The following FAM135A variants were observed in gnomAD, a reference collection of about 807,000 sequenced individuals.
FAM135A encodes the protein protein FAM135A.
In FAM135A, 79 loss-of-function variants were observed where a neutral mutation model predicts 146.8. That is an observed-to-expected ratio of 0.54 (90% CI 0.45 to 0.65). The LOEUF (loss-of-function observed/expected upper bound fraction) is 0.65, where lower values mean the gene tolerates loss of function less well. Ranked by LOEUF, FAM135A falls within the 30% of genes least tolerant of loss-of-function variation. The pLI, the probability that FAM135A is intolerant of heterozygous loss-of-function variation, is 0.00. For missense variants in FAM135A, 1,623 were observed against 1,758.2 expected, an observed-to-expected ratio of 0.92 and a Z score of 1.38; for synonymous variants, 562 against 603.6, an observed-to-expected ratio of 0.93 and a Z score of 1.01.
intron 16 of FAM135A, among the ~76,000 whole-genome samples, chr6:70,529,951 C>T (rs1795478760): frequency 6.6e-6 from 1 of 152,104 alleles, no homozygotes; most frequent in African/African-American, 2.4e-5. Context: ...GTAGTCCCAG[C>T]TACTCCGGAG....
intron 13 of FAM135A, among the ~76,000 whole-genome samples, chr6:70,522,825 G>A (rs899969714): frequency 6.6e-6 from 1 of 151,956 alleles, no homozygotes; most frequent in African/African-American, 2.4e-5. Flanking sequence ...TTTTTTATCA[G>A]ATCTACCATA....
At chr6:70,526,766 TACAC>T (rs71538422) in intron 15 of FAM135A, 68 bp downstream of exon 15, 12,282 of 446,236 alleles carry the variant, frequency 0.028, 61 homozygotes, top group African/African-American at 0.045. Flanking sequence ...CACACACACA[TACAC>T]ACACACACAC....
intron 11 of FAM135A, among the ~76,000 whole-genome samples, chr6:70,500,188 C>G (rs965012559): frequency 6.6e-6 from 1 of 152,070 alleles, no homozygotes; most frequent in Admixed American, 6.6e-5. Flanking sequence ...TTTTTCAATT[C>G]TTTTTTGTCT....
At chr6:70,420,321 A>G (rs1395026725) in intron 2 of FAM135A, among the ~76,000 whole-genome samples, 1 of 152,088 alleles carries the variant, frequency 6.6e-6, no homozygotes, top group African/African-American at 2.4e-5. Context: ...ATCTTGAGGG[A>G]CCTGTGTCTC....
intron 4 of FAM135A, among the ~76,000 whole-genome samples, chr6:70,448,475 G>A (rs960645854): frequency 3.9e-5 from 6 of 152,142 alleles, no homozygotes; most frequent in African/African-American, 1.4e-4. Context: ...GTGTCCTCCA[G>A]CTTAGTTCCA....
At position 70,458,357 on chromosome 6, in the gene FAM135A, A is replaced by T. The variant is rs369458774; in HGVS notation, c.157+5786A>T. Among the ~76,000 whole-genome samples, 47 of 152,288 alleles carry T rather than the reference A, an allele frequency of 3.1e-4. No homozygotes were observed. In the East Asian group the frequency reaches 3.9e-3, roughly 13 times the overall value. On this transcript the variant is annotated intron_variant, in intron 5 of 21. Coordinates refer to ENST00000418814, the MANE Select transcript of FAM135A (RefSeq NM_001162529.3). ...AATATGACTTCTCAAGATCTTTCAT[A>T]TTTCAAATATTATATCAATGTATTT...
chr6:70,539,743 C>T lies in FAM135A; in HGVS notation c.4228+1342C>T, dbSNP rs1399799191. Reference sequence around the variant, plus strand: ...GGGCGTGGTGGCTCACGCCTGTAATCCCAGCACTTTGGGAGCCTGAGGCGG... The same window carrying T: ...GGGCGTGGTGGCTCACGCCTGTAATTCCAGCACTTTGGGAGCCTGAGGCGG... On this transcript the variant is annotated intron_variant, in intron 20 of 21. Coordinates refer to ENST00000418814, the MANE Select transcript of FAM135A (RefSeq NM_001162529.3). 7.9e-5 allele frequency among the ~76,000 whole-genome samples: 12 copies of T among 152,284 alleles called. No individual in the cohort carries two copies. In the East Asian group the frequency reaches 1.9e-3, roughly 25 times the overall value.
chr6:70,451,477 T>C (rs190566681), intron 4 of FAM135A, among the ~76,000 whole-genome samples: 2 of 152,274 alleles, frequency 1.3e-5, no homozygotes, highest in East Asian at 3.9e-4. Context: ...TTTTCTCATG[T>C]TTTCAAGCAG....
chr6:70,525,137 G>T lies in FAM135A; in HGVS notation c.2053G>T (p.Glu685Ter). The T allele has an allele frequency of 1.3e-6, 2 of 1,569,692 alleles. No individual in the cohort carries two copies. Among genetic ancestry groups the T allele is most frequent in the African/African-American group, 1.4e-5 (1 of 72,974 alleles). The change falls in exon 15 of 22, where the codon GAG becomes TAG. Residue 685 changes from glutamate to a stop codon, truncating the protein, a stop_gained. Coordinates refer to ENST00000418814, the MANE Select transcript of FAM135A (RefSeq NM_001162529.3). LOFTEE classifies it high-confidence loss of function. ...KLGPWTELRQEEILVDNLLPN... is the reference protein window; with the variant it reads ...KLGPWTELRQ ...AGGACCTTGGACAGAGCTTCGACAA[G>T]AGGAAATACTTGTGGATAATTTACT...
intron 20 of FAM135A, 188 bp from the exon 21 acceptor site, chr6:70,556,562 A>AT: frequency 2.0e-6 from 1 of 504,796 alleles, no homozygotes; most frequent in Non-Finnish European, 3.5e-6. Context: ...TCAAGACTAC[A>AT]TAACAGTGAG....
Position 70,525,849 on chromosome 6 carries a change from A to G in FAM135A, c.2765A>G (p.Gln922Arg), listed in dbSNP as rs753173236. The change falls in exon 15 of 22, where the codon CAA becomes CGA. Residue 922 changes from glutamine to arginine, a missense_variant. Physicochemically the swap from Gln to Arg is conservative, Grantham distance 43. This residue lies in a region of FAM135A where 1,061 missense variants were observed against 1,113.8 expected (regional missense o/e 0.95). Coordinates refer to ENST00000418814, the MANE Select transcript of FAM135A (RefSeq NM_001162529.3). ...AATTCAAGCATTAAAGACCCTTTAC[A>G]ATTTGTTTTTTCAGATGAAGAGACT... Reference protein sequence around the residue: ...SLNSSIKDPLQFVFSDEETSS... With the variant: ...SLNSSIKDPLRFVFSDEETSS... 2 of 1,611,378 alleles carry G rather than the reference A, an allele frequency of 1.2e-6. No individual in the cohort carries two copies. Among genetic ancestry groups the G allele is most frequent in the South Asian group, 2.2e-5 (2 of 90,446 alleles).
chr6:70,494,011 G>A (rs562970598), intron 11 of FAM135A, among the ~76,000 whole-genome samples: 3 of 138,542 alleles, frequency 2.2e-5, no homozygotes, highest in Non-Finnish European at 3.0e-5. Flanking sequence ...CCAAGGTCAC[G>A]CCATTGCACT....
At chr6:70,464,314 A>G (rs375092042) in intron 5 of FAM135A, among the ~76,000 whole-genome samples, 16 of 152,254 alleles carry the variant, frequency 1.1e-4, no homozygotes, top group African/African-American at 3.9e-4. Flanking sequence ...AATAAAAATC[A>G]AGTCATTTGA....
intron 12 of FAM135A, among the ~76,000 whole-genome samples, chr6:70,522,263 T>C (rs1279865017): frequency 6.6e-6 from 1 of 152,208 alleles, no homozygotes; most frequent in Non-Finnish European, 1.5e-5. Context: ...GGGGAGATGA[T>C]TTATTTTAAG....
chr6:70,560,837 G>A lies in FAM135A; in HGVS notation c.*916G>A, dbSNP rs1171000090. ...AAAATTTATTGAACTAAAAAGTAAT[G>A]TAAATAAAATAATTCATGTTAAAGA... On this transcript the variant is annotated 3_prime_UTR_variant, in exon 22 of 22. Coordinates refer to ENST00000418814, the MANE Select transcript of FAM135A (RefSeq NM_001162529.3). 2 of 152,462 alleles carry A rather than the reference G, an allele frequency of 1.3e-5. No individual in the cohort carries two copies. Among genetic ancestry groups the A allele is most frequent in the Admixed American group, 1.3e-4 (2 of 15,266 alleles). The allele number at this position is 152,462 out of a possible 1,614,324, so 9.4% of individuals were successfully genotyped here.
chr6:70,471,959 G>T (rs1291767144), intron 5 of FAM135A, among the ~76,000 whole-genome samples: 1 of 152,048 alleles, frequency 6.6e-6, no homozygotes, highest in East Asian at 1.9e-4. Flanking sequence ...CTTAAATTAG[G>T]AAATAAAGCC....
chr6:70,420,594 A>G (rs1768598352), intron 2 of FAM135A, among the ~76,000 whole-genome samples: 1 of 152,226 alleles, frequency 6.6e-6, no homozygotes, highest in Non-Finnish European at 1.5e-5. Context: ...GAAGGAGTTA[A>G]CTATACACTC....
chr6:70,459,605 A>G (rs949594856), intron 5 of FAM135A, among the ~76,000 whole-genome samples: 6 of 152,216 alleles, frequency 3.9e-5, no homozygotes, highest in African/African-American at 1.4e-4. Context: ...AAAAGTTTAA[A>G]TAATGACATC....
intron 16 of FAM135A, among the ~76,000 whole-genome samples, chr6:70,532,233 A>G (rs116177529): frequency 0.017 from 2,521 of 152,208 alleles, 61 homozygotes; most frequent in African/African-American, 0.057. Flanking sequence ...CAAACATGTT[A>G]TAACAAATTA....
Sources: allele counts gnomAD v4.1 joint callset (sites outside exome capture counted in the v4.1 genomes callset), GRCh38; gene constraint gnomAD v4.1.1; regional missense constraint gnomAD v4.1.1; transcripts MANE v1.5; gene names NCBI Gene and HGNC (gene_info 2026-07-23, HGNC 2026-07-21).